The following TASL variants were observed in gnomAD, a reference collection of about 807,000 sequenced individuals.
The protein encoded by TASL is TLR adaptor interacting with endolysosomal SLC15A4, also known as TLR adapter interacting with SLC15A4 on the lysosome.
TASL carries 6 observed loss-of-function variants against 12.9 expected under a neutral mutation model. The observed-to-expected ratio is 0.46, with a 90% CI of 0.25 to 0.92. The LOEUF is 0.92. TASL is among the 40% of genes least tolerant of loss of function. TASL has a pLI of 0.17. For synonymous variants in TASL, 85 were observed against 79.3 expected (o/e 1.07, Z -0.38); for missense variants, 165 against 212.8 (o/e 0.78, Z 1.40).
Position 30,559,642 on chromosome X carries a change from C to A in TASL, c.714G>T (p.Gln238His). The change falls in exon 3 of 3, where the codon CAG (glutamine) becomes CAT (histidine). Residue 238 changes from glutamine to histidine, a missense_variant. By Grantham distance (24) the Gln-to-His change is conservative (BLOSUM62 0). Transcript: ENST00000378962. ...DTVFHDSSPT[Q>H]ILASELIMTS... ...TCATGATGAGTTCAGACGCCAGAAT[C>A]TGGGTAGGAGAACTGTCATGAAACA... is the stretch of plus-strand genomic sequence containing the variant. The A allele has an allele frequency of 8.3e-7, 1 of 1,209,792 alleles. No homozygotes were observed. Among genetic ancestry groups the A allele is most frequent in the Non-Finnish European group, 1.1e-6 (1 of 894,075 alleles).
In TASL at chrX:30,576,395, TAG is replaced by T. The variant is rs1930705801; in HGVS notation, c.-2+355_-2+356del. Among the ~76,000 whole-genome samples, 3 of 110,813 alleles carry T rather than the reference TAG, an allele frequency of 2.7e-5. No homozygotes were observed. The South Asian group carries it at 1.1e-3, about 41-fold the overall frequency. ...GTGTGTGAATATATATATACACATA[TAG>T]AGAGAGAGAAAAGGACAGGCAGAGA... is the stretch of plus-strand genomic sequence containing the variant. On this transcript the variant is annotated intron_variant, in intron 2 of 2. Transcript: ENST00000378962.
chrX:30,561,145 A>G (rs912042665), intron 2 of TASL, among the ~76,000 whole-genome samples: 1 of 112,095 alleles, frequency 8.9e-6, no homozygotes, highest in African/African-American at 3.2e-5. Context: ...CAACAATGAC[A>G]TGGTATGAAA....
chrX:30,567,929 A>C (rs1930523797), intron 2 of TASL, among the ~76,000 whole-genome samples: 1 of 112,264 alleles, frequency 8.9e-6, no homozygotes, highest in Non-Finnish European at 1.9e-5. Context: ...ATAAAAACTA[A>C]AGATAAATAT....
chrX:30,559,808 C>T lies in TASL; in HGVS notation c.548G>A (p.Arg183Gln), dbSNP rs777114441. Residue 183 changes from arginine (R) to glutamine (Q), a missense_variant, in exon 3 of 3, where the codon CGG becomes CAG. Coordinates refer to ENST00000378962, the MANE Select transcript of TASL (RefSeq NM_025159.3). ...PSDFPQKPIQ[R>Q]YSSYWRITSI... Reference sequence around the variant, plus strand: ...TGTTATTCTCCAATAGGATGAGTACCGCTGGATAGGTTTTTGGGGAAAGTC... The same window carrying T: ...TGTTATTCTCCAATAGGATGAGTACTGCTGGATAGGTTTTTGGGGAAAGTC... 4.9e-5 allele frequency: 59 copies of T among 1,208,382 alleles called. No homozygotes were observed. Among genetic ancestry groups the T allele is most frequent in the Admixed American group, 6.6e-5 (3 of 45,586 alleles).
At chrX:30,573,935 A>T (rs1053573040) in intron 2 of TASL, among the ~76,000 whole-genome samples, 5 of 111,745 alleles carry the variant, frequency 4.5e-5, no homozygotes, top group Admixed American at 9.5e-5. Context: ...AAAAATAAAT[A>T]AATTAAATAA....
intron 2 of TASL, among the ~76,000 whole-genome samples, chrX:30,566,887 T>A (rs938682136): frequency 8.9e-6 from 1 of 112,068 alleles, no homozygotes; most frequent in Non-Finnish European, 1.9e-5. Context: ...AAATTTTAAT[T>A]TGATTTAATA....
intron 2 of TASL, among the ~76,000 whole-genome samples, chrX:30,575,095 T>G (rs1196893633): frequency 8.9e-6 from 1 of 111,952 alleles, no homozygotes; most frequent in African/African-American, 3.2e-5. Flanking sequence ...TATTTTTTAA[T>G]GCCTGCAAAA....
chrX:30,576,723 G>T (rs1930711459), intron 2 of TASL, 29 bp downstream of exon 2: 2 of 111,270 alleles, frequency 1.8e-5, no homozygotes, highest in Non-Finnish European at 1.9e-5. Context: ...ACATCATTTT[G>T]CTCTGAGATA....
intron 2 of TASL, among the ~76,000 whole-genome samples, chrX:30,561,176 C>A: frequency 8.9e-6 from 1 of 111,964 alleles, no homozygotes; most frequent in Non-Finnish European, 1.9e-5. Context: ...CTCAACACAT[C>A]ATGAAGTACC....
chrX:30,563,110 A>C (rs1464326103), intron 2 of TASL, among the ~76,000 whole-genome samples: 1 of 111,619 alleles, frequency 9.0e-6, no homozygotes, highest in Non-Finnish European at 1.9e-5. Context: ...TGTAGTTCCC[A>C]TAATCCCCAC....
At position 30,559,984 on chromosome X, in the gene TASL, A is replaced by G; in HGVS notation, c.372T>C (p.Tyr124=). 1 of 1,211,261 alleles carries G rather than the reference A, an allele frequency of 8.3e-7. No homozygotes were observed. The highest frequency in any genetic ancestry group is 1.1e-6 in the Non-Finnish European group (1 of 895,161). The change falls in exon 3 of 3, where the codon TAT becomes TAC. Residue 124 remains tyrosine (Y), a synonymous_variant. Transcript: ENST00000378962. ...GGCCCCCTGCAATCTGTAAGTCATT[A>G]TAATTCTTGCAAATACTTTTGCAAG... ...PSSCKSICKN[Y]NDLQIAGGQV... is the part of the protein sequence containing the mutation.
At chrX:30,570,468 C>G (rs747766062) in intron 2 of TASL, among the ~76,000 whole-genome samples, 1 of 111,313 alleles carries the variant, frequency 9.0e-6, no homozygotes, top group African/African-American at 3.3e-5. Context: ...TATTTAGGTA[C>G]TATTATTATG....
chrX:30,560,953 G>C (rs1280827008), intron 2 of TASL, among the ~76,000 whole-genome samples: 6 of 111,516 alleles, frequency 5.4e-5, no homozygotes, highest in Non-Finnish European at 9.4e-5. Context: ...AGAAGTTGCA[G>C]ATTGGAGAGA....
At position 30,560,300 on chromosome X, in the gene TASL, C is replaced by T. The variant is rs764959110; in HGVS notation, c.56G>A (p.Ser19Asn). 2 of 1,206,596 alleles carry T rather than the reference C, an allele frequency of 1.7e-6. No individual in the cohort carries two copies. Among genetic ancestry groups the T allele is most frequent in the South Asian group, 3.6e-5 (2 of 56,040 alleles). The change falls in exon 3 of 3, where the codon AGT becomes AAT. Residue 19 changes from serine (S) to asparagine (N), a missense_variant. By Grantham distance (46) the Ser-to-Asn change is conservative. Coordinates refer to ENST00000378962, the MANE Select transcript of TASL (RefSeq NM_025159.3). ...GLEYWNDIHWSCASYNEQVAG... is the reference protein window; with the variant it reads ...GLEYWNDIHWNCASYNEQVAG... ...CACCTGCTCATTATAAGAGGCACAA[C>T]TCCAGTGGATGTCATTCCAGTACTC...
intron 2 of TASL, among the ~76,000 whole-genome samples, chrX:30,575,607 G>A (rs1314170846): frequency 9.0e-6 from 1 of 111,682 alleles, no homozygotes; most frequent in Non-Finnish European, 1.9e-5. Flanking sequence ...CAAATATGAA[G>A]TGATTCTTAA....
At chrX:30,565,920 G>A (rs888640213) in intron 2 of TASL, among the ~76,000 whole-genome samples, 11 of 109,129 alleles carry the variant, frequency 1.0e-4, no homozygotes, top group Non-Finnish European at 1.7e-4. Flanking sequence ...ACAGGTGCAC[G>A]CCACCACTCC....
chrX:30,563,469 G>A (rs1463097216), intron 2 of TASL, among the ~76,000 whole-genome samples: 1 of 112,428 alleles, frequency 8.9e-6, no homozygotes, highest in African/African-American at 3.2e-5. Flanking sequence ...TGAGGAATTG[G>A]TGGTACCAGA....
chrX:30,572,963 G>A (rs1313875083), intron 2 of TASL, among the ~76,000 whole-genome samples: 1 of 112,041 alleles, frequency 8.9e-6, no homozygotes, highest in Non-Finnish European at 1.9e-5. Context: ...CAATAAATGG[G>A]ATACGCATCA....
chrX:30,565,679 G>A (rs760357348), intron 2 of TASL, among the ~76,000 whole-genome samples: 1 of 112,016 alleles, frequency 8.9e-6, no homozygotes, highest in East Asian at 2.8e-4. Flanking sequence ...CTACTCTATG[G>A]AACAGCAAAG....
Sources: gnomAD v4.1 joint callset for allele counts (sites outside exome capture counted in the v4.1 genomes callset) on GRCh38, gnomAD v4.1.1 for gene constraint, MANE v1.5 for transcripts, NCBI Gene and HGNC (gene_info 2026-07-23, HGNC 2026-07-21) for gene names.